The following COG7 variants were observed in gnomAD, a reference collection of about 807,000 sequenced individuals.
COG7 encodes conserved oligomeric Golgi complex subunit 7.
In COG7, 49 loss-of-function variants were observed where a neutral mutation model predicts 91.5. The ratio of observed to expected loss-of-function variants is 0.54; its 90% CI spans 0.43 to 0.68. The LOEUF (loss-of-function observed/expected upper bound fraction) is 0.68, where lower values mean the gene tolerates loss of function less well. Ranked by LOEUF, COG7 falls within the 30% of genes least tolerant of loss-of-function variation. The pLI, the probability that COG7 is intolerant of heterozygous loss-of-function variation, is 0.00. For synonymous variants in COG7, 365 were observed against 388.7 expected (o/e 0.94, Z 0.72); for missense variants, 895 against 961.3 (o/e 0.93, Z 0.91).
rs775454948 is a variant in COG7 at position 23,445,770 on chromosome 16, A to G, written c.318+43T>C. 1.1e-5 allele frequency: 18 copies of G among 1,606,686 alleles called. 1 individual carries two copies. In the South Asian group the frequency reaches 2.0e-4, roughly 18 times the overall value. Reference sequence around the variant, plus strand: ...ACGAGAGTGACCACCTTCCCAAAGCAAGAATCACCATTTACAACAGGAGCC... The same window carrying G: ...ACGAGAGTGACCACCTTCCCAAAGCGAGAATCACCATTTACAACAGGAGCC... On this transcript the variant is annotated intron_variant, in intron 2 of 16. Transcript: ENST00000307149.
At chr16:23,435,621 C>T (rs1169567146) in intron 4 of COG7, among the ~76,000 whole-genome samples, 6 of 152,014 alleles carry the variant, frequency 3.9e-5, no homozygotes, top group African/African-American at 9.7e-5. Context: ...GGCTCCTGTC[C>T]GCCCCCTTCT....
intron 4 of COG7, among the ~76,000 whole-genome samples, chr16:23,442,200 G>A (rs1964112142): frequency 6.6e-6 from 1 of 152,000 alleles, no homozygotes. Flanking sequence ...TGGGTGTGGT[G>A]GCACACGCCT....
chr16:23,418,664 T>C (rs1963696139), intron 8 of COG7, 36 bp downstream of exon 8: 3 of 1,609,976 alleles, frequency 1.9e-6, no homozygotes, highest in Admixed American at 1.7e-5. Context: ...GCTAACAGAA[T>C]GCTTCCTCAG....
At chr16:23,408,218 C>A (rs35145757) in intron 11 of COG7, among the ~76,000 whole-genome samples, 1 of 160 alleles carries the variant, frequency 6.3e-3, no homozygotes, top group Non-Finnish European at 0.022. Context: ...AGGCAGGGGG[C>A]GAGTGTGGCG....
intron 13 of COG7, among the ~76,000 whole-genome samples, chr16:23,401,833 A>C (rs1963382996): frequency 6.6e-6 from 1 of 152,076 alleles, no homozygotes; most frequent in Non-Finnish European, 1.5e-5. Context: ...AGGTGGGTGA[A>C]TCACTGGAGG....
intron 1 of COG7, 30 bp downstream of exon 1, chr16:23,452,796 G>A (rs1281650045): frequency 1.3e-6 from 2 of 1,596,286 alleles, no homozygotes; most frequent in Middle Eastern, 1.9e-4. Flanking sequence ...GCAGGGGAGG[G>A]TCCCGCGGCC....
chr16:23,433,705 T>G, intron 5 of COG7, 38 bp from the exon 6 acceptor site: 7 of 1,612,380 alleles, frequency 4.3e-6, no homozygotes, highest in Non-Finnish European at 5.1e-6. Context: ...ATTGGGTACG[T>G]CAACATAGGT....
At chr16:23,392,700 C>T (rs1266394939) in intron 15 of COG7, among the ~76,000 whole-genome samples, 177 bp from the exon 16 acceptor site, 4 of 152,086 alleles carry the variant, frequency 2.6e-5, no homozygotes, top group Admixed American at 2.0e-4. Context: ...GAGGATGAGG[C>T]AGGCGGATCA....
At chr16:23,427,300 C>G (rs1243762055) in intron 6 of COG7, among the ~76,000 whole-genome samples, 1 of 151,592 alleles carries the variant, frequency 6.6e-6, no homozygotes, top group East Asian at 1.9e-4. Context: ...CGCGGCGGCT[C>G]ACGCCTGTAA....
intron 9 of COG7, 75 bp from the exon 10 acceptor site, chr16:23,413,639 A>G (rs1963605082): frequency 1.2e-6 from 1 of 848,066 alleles, no homozygotes; most frequent in African/African-American, 1.7e-5. Context: ...GGAATTCTAC[A>G]GCTCTGGACA....
At chr16:23,409,312 A>G (rs1487255086) in intron 11 of COG7, among the ~76,000 whole-genome samples, 1 of 152,158 alleles carries the variant, frequency 6.6e-6, no homozygotes, top group Admixed American at 6.5e-5. Flanking sequence ...GAAAGGGATC[A>G]TTTTGTGATT....
chr16:23,405,345 T>C (rs1963442159), intron 12 of COG7, among the ~76,000 whole-genome samples: 1 of 151,988 alleles, frequency 6.6e-6, no homozygotes, highest in Non-Finnish European at 1.5e-5. Context: ...GATCCTCTAT[T>C]ACAGGTTCTG....
chr16:23,403,947 G>T, intron 12 of COG7, 113 bp from the exon 13 acceptor site: 1 of 1,304,096 alleles, frequency 7.7e-7, no homozygotes, highest in Non-Finnish European at 1.1e-6. Flanking sequence ...TGCAATAGTG[G>T]TTCCCAAACC....
rs776595665 is a variant in COG7 at position 23,434,646 on chromosome 16, T to C, written c.677A>G (p.Lys226Arg). The C allele has an allele frequency of 8.1e-6, 13 of 1,612,774 alleles. No homozygotes were observed. The highest frequency in any genetic ancestry group is 2.2e-5 in the East Asian group (1 of 44,878). ...CGCACAGCTTCTTACCTTGTGACAC[T>C]TGTAGTAGTAGGCCAGGAGCTGGGG... The part of the protein sequence containing the change: ...RMPQLLAYYY[K>R]CHKVQLLAAW... Residue 226 changes from lysine (K) to arginine (R), a missense_variant, in exon 5 of 17, where the codon AAG becomes AGG. Lys to Arg is a conservative substitution (Grantham distance 26, BLOSUM62 2). Transcript: ENST00000307149.
At position 23,424,709 on chromosome 16, in the gene COG7, G is replaced by GT. The variant is rs766600099; in HGVS notation, c.1009+39dup. The GT allele has an allele frequency of 3.7e-6, 6 of 1,603,418 alleles. No individual in the cohort carries two copies. In the African/African-American group the frequency reaches 8.0e-5, roughly 21 times the overall value. On this transcript the variant is annotated intron_variant, in intron 7 of 16. Coordinates refer to ENST00000307149, the MANE Select transcript of COG7 (RefSeq NM_153603.4). ...GCCCCAGAAGCTTCAGAAAGAGCGAGTAAAGACAAGCTAGAGAACTGGCAG... is the reference window on the plus strand; with the variant it reads ...GCCCCAGAAGCTTCAGAAAGAGCGAGTTAAAGACAAGCTAGAGAACTGGCAG...
At chr16:23,416,406 C>CCCA (rs1963654931) in intron 9 of COG7, 1 of 165,736 alleles carries the variant, frequency 6.0e-6, no homozygotes, top group Non-Finnish European at 1.3e-5. Context: ...GAAATGCCTA[C>CCCA]GTGGAACTGC....
At chr16:23,431,747 T>G (rs1402514692) in intron 6 of COG7, among the ~76,000 whole-genome samples, 1 of 146,946 alleles carries the variant, frequency 6.8e-6, no homozygotes, top group Non-Finnish European at 1.5e-5. Flanking sequence ...AGGCGGAGGT[T>G]GCAGGGAGCC....
At chr16:23,444,629 G>A (rs981994682) in intron 3 of COG7, among the ~76,000 whole-genome samples, 1 of 149,348 alleles carries the variant, frequency 6.7e-6, no homozygotes, top group Admixed American at 6.8e-5. Context: ...TCAGCCTCCT[G>A]AGTAGCTGGA....
At chr16:23,418,158 C>T (rs1451827155) in intron 8 of COG7, among the ~76,000 whole-genome samples, 1 of 152,150 alleles carries the variant, frequency 6.6e-6, no homozygotes, top group East Asian at 1.9e-4. Flanking sequence ...ATCAACTTAT[C>T]CCCCAAAAGA....
Sources: allele counts gnomAD v4.1 joint callset (sites outside exome capture counted in the v4.1 genomes callset), GRCh38; gene constraint gnomAD v4.1.1; transcripts MANE v1.5; gene names NCBI Gene and HGNC (gene_info 2026-07-23, HGNC 2026-07-21).